Variants in MACROD2 observed in about 807,000 individuals in gnomAD.
MACROD2 encodes the protein mono-ADP ribosylhydrolase 2.
In MACROD2, 36 loss-of-function variants were observed where a neutral mutation model predicts 70.4. The ratio of observed to expected loss-of-function variants is 0.51; its 90% confidence interval spans 0.39 to 0.68. The LOEUF is 0.68. MACROD2 is among the 30% of genes least tolerant of loss of function. MACROD2 has a pLI of 0.00. For synonymous variants in MACROD2, 172 were observed against 178.8 expected, an observed-to-expected ratio of 0.96 and a Z score of 0.30; for missense variants, 496 against 538.4, an observed-to-expected ratio of 0.92 and a Z score of 0.78.
At chr20:15,179,571 C>T (rs988067344) in intron 5 of MACROD2, among the ~76,000 whole-genome samples, 1 of 152,136 alleles carries the variant, frequency 6.6e-6, no homozygotes, top group Non-Finnish European at 1.5e-5. Context: ...TACAAGACAG[C>T]TCTCTTCTCA....
chr20:15,513,449 A>C (rs1341907063), intron 8 of MACROD2, among the ~76,000 whole-genome samples: 1 of 152,146 alleles, frequency 6.6e-6, no homozygotes, highest in African/African-American at 2.4e-5. Context: ...CCTTCCACAC[A>C]CACATTATTA....
chr20:14,246,341 A>G (rs949045139), intron 3 of MACROD2, among the ~76,000 whole-genome samples: 4 of 152,182 alleles, frequency 2.6e-5, no homozygotes, highest in African/African-American at 4.8e-5. Context: ...TTGATGTAGT[A>G]TTGGAGTATT....
At chr20:15,709,253 C>A (rs1157540999) in intron 8 of MACROD2, among the ~76,000 whole-genome samples, 2 of 152,190 alleles carry the variant, frequency 1.3e-5, no homozygotes, top group Non-Finnish European at 2.9e-5. Context: ...ACGGGAGGAG[C>A]AGGCTGGCTT....
chr20:15,626,592 T>G (rs2049206179), intron 8 of MACROD2, among the ~76,000 whole-genome samples: 1 of 152,202 alleles, frequency 6.6e-6, no homozygotes, highest in Admixed American at 6.5e-5. Context: ...CGCTGGCTCA[T>G]GCCTGTAATG....
intron 8 of MACROD2, among the ~76,000 whole-genome samples, chr20:15,756,962 TAGTC>T (rs902439410): frequency 2.0e-5 from 3 of 152,208 alleles, no homozygotes; most frequent in African/African-American, 4.8e-5. Flanking sequence ...TCCGAATTGT[TAGTC>T]AGCTGATTAA....
At chr20:15,840,122 C>A (rs976988140) in intron 8 of MACROD2, among the ~76,000 whole-genome samples, 3 of 152,174 alleles carry the variant, frequency 2.0e-5, no homozygotes, top group African/African-American at 7.2e-5. Context: ...TGAAGTCAAA[C>A]TGCTAGAGAA....
chr20:15,256,702 A>T (rs2077202653), intron 6 of MACROD2, among the ~76,000 whole-genome samples: 1 of 152,076 alleles, frequency 6.6e-6, no homozygotes. Flanking sequence ...GATACAATAA[A>T]CTAATCAAAC....
At chr20:15,881,843 A>G (rs1200089200) in intron 9 of MACROD2, among the ~76,000 whole-genome samples, 1 of 152,166 alleles carries the variant, frequency 6.6e-6, no homozygotes, top group Non-Finnish European at 1.5e-5. Flanking sequence ...GAACAAGAAC[A>G]TCTTGTGAGG....
At chr20:14,553,601 C>T (rs1978818125) in intron 4 of MACROD2, among the ~76,000 whole-genome samples, 1 of 151,984 alleles carries the variant, frequency 6.6e-6, no homozygotes, top group Non-Finnish European at 1.5e-5. Context: ...ATTCATTGTG[C>T]TATGATGTCA....
At chr20:14,077,894 C>CTTTTTTTTTTTTTTTTTTTTTTTT (rs58677755) in intron 2 of MACROD2, among the ~76,000 whole-genome samples, 4 of 120,502 alleles carry the variant, frequency 3.3e-5, no homozygotes, top group Non-Finnish European at 7.0e-5. Context: ...AAAGGTTTTT[C>CTTTTTTTTTTTTTTTTTTTTTTTT]TTTTTTTTTT....
intron 3 of MACROD2, among the ~76,000 whole-genome samples, chr20:14,292,070 A>G (rs569615840): frequency 6.6e-6 from 1 of 151,968 alleles, no homozygotes; most frequent in African/African-American, 2.4e-5. Context: ...GAATTGTAGG[A>G]CCTACAGGCA....
intron 7 of MACROD2, 59 bp downstream of exon 7, chr20:15,431,494 G>A (rs2046362885): frequency 1.3e-6 from 2 of 1,494,680 alleles, no homozygotes; most frequent in East Asian, 2.3e-5. Flanking sequence ...TAAATGCAGA[G>A]ATTCAGTGAA....
At chr20:15,940,538 C>G (rs6043630) in intron 12 of MACROD2, among the ~76,000 whole-genome samples, 1 of 152,094 alleles carries the variant, frequency 6.6e-6, no homozygotes, top group Non-Finnish European at 1.5e-5. Flanking sequence ...ATTACCACAG[C>G]TACCTCAACC....
intron 3 of MACROD2, among the ~76,000 whole-genome samples, chr20:14,350,023 A>G (rs2083107564): frequency 6.6e-6 from 1 of 151,730 alleles, no homozygotes; most frequent in Admixed American, 6.6e-5. Context: ...TGCTGGGATT[A>G]CAGGCGTGAG....
intron 17 of MACROD2, among the ~76,000 whole-genome samples, chr20:16,045,858 G>C (rs905307759): frequency 6.6e-6 from 1 of 152,062 alleles, no homozygotes; most frequent in Non-Finnish European, 1.5e-5. Flanking sequence ...GTCATGCTAA[G>C]CCTCCTTTAC....
chr20:15,782,115 C>G (rs2051843897), intron 8 of MACROD2, among the ~76,000 whole-genome samples: 2 of 151,904 alleles, frequency 1.3e-5, no homozygotes. Context: ...TTTTATTTTT[C>G]TATTGGAGAA....
At chr20:15,921,304 C>G (rs907330882) in intron 10 of MACROD2, among the ~76,000 whole-genome samples, 1 of 152,190 alleles carries the variant, frequency 6.6e-6, no homozygotes, top group African/African-American at 2.4e-5. Context: ...GCTCCCCACC[C>G]AGTGAAACAT....
Position 15,000,608 on chromosome 20 carries a change from C to T in MACROD2, c.419-229332C>T, listed in dbSNP as rs976623796. 3.1e-4 allele frequency among the ~76,000 whole-genome samples: 30 copies of T among 97,734 alleles called. No homozygotes were observed. In the East Asian group the frequency reaches 6.2e-3, roughly 20 times the overall value. The allele number at this position is 97,734 out of a possible 152,430, so 64.1% of individuals were successfully genotyped here. A position where few individuals can be genotyped will look rare whatever the true frequency, so the allele number is the denominator to read the frequency against. ...ACTGCAGTCCGCAGTCCGGCCTGGG[C>T]GACAGAGCGAGACTCCGTCTCAAAA... On this transcript the variant is annotated intron_variant, in intron 5 of 17. Transcript: ENST00000684519.
intron 5 of MACROD2, among the ~76,000 whole-genome samples, chr20:15,103,887 T>G (rs994293123): frequency 2.0e-5 from 3 of 151,946 alleles, no homozygotes; most frequent in East Asian, 1.9e-4. Context: ...GGAATGAGGT[T>G]GTTGTGTCGG....
Sources: gnomAD v4.1 joint callset for allele counts (sites outside exome capture counted in the v4.1 genomes callset) on GRCh38, gnomAD v4.1.1 for gene constraint, MANE v1.5 for transcripts, NCBI Gene and HGNC (gene_info 2026-07-23, HGNC 2026-07-21) for gene names.